Variants in SCN9A observed in about 807,000 individuals in gnomAD.
SCN9A encodes the protein sodium channel protein type 9 subunit alpha.
SCN9A carries 131 observed loss-of-function variants against 187.0 expected under a neutral mutation model. The observed-to-expected ratio is 0.70, with a 90% CI of 0.61 to 0.81. SCN9A has a LOEUF of 0.81. Among genes scored for constraint, SCN9A ranks in the 30% least tolerant of loss-of-function variants. The pLI is 0.00. For synonymous variants in SCN9A, 809 were observed against 808.6 expected (o/e 1.00, Z -0.01); for missense variants, 2,252 against 2,396.6 (o/e 0.94, Z 1.26).
intron 24 of SCN9A, among the ~76,000 whole-genome samples, chr2:166,220,075 G>A (rs150898492): frequency 6.6e-6 from 1 of 152,034 alleles, no homozygotes; most frequent in Non-Finnish European, 1.5e-5. Context: ...CATGTACTAC[G>A]ACCAAGTGGG....
chr2:166,298,830 G>T (rs1048519101), intron 7 of SCN9A: 1 of 152,136 alleles, frequency 6.6e-6, no homozygotes, highest in Non-Finnish European at 1.5e-5. Flanking sequence ...CAAGTGAATG[G>T]TTATATTTTA....
chr2:166,216,402 G>T (rs541956335), intron 24 of SCN9A, among the ~76,000 whole-genome samples: 153 of 152,058 alleles, frequency 1.0e-3, no homozygotes, highest in Non-Finnish European at 1.7e-3. Context: ...GCAGGAAAAA[G>T]AAATAAAATA....
intron 17 of SCN9A, among the ~76,000 whole-genome samples, chr2:166,259,597 C>A (rs1696420452): frequency 6.6e-6 from 1 of 151,642 alleles, no homozygotes; most frequent in African/African-American, 2.4e-5. Context: ...TCCTTAAATG[C>A]AAGCAACATT....
At chr2:166,281,379 T>C (rs903646162) in intron 13 of SCN9A, among the ~76,000 whole-genome samples, 4 of 152,206 alleles carry the variant, frequency 2.6e-5, no homozygotes, top group Non-Finnish European at 5.9e-5. Context: ...TACTATTAAA[T>C]CACTTATCTT....
chr2:166,328,651 A>T (rs1164254466), intron 1 of SCN9A, among the ~76,000 whole-genome samples: 1 of 152,186 alleles, frequency 6.6e-6, no homozygotes, highest in Admixed American at 6.5e-5. Flanking sequence ...AAGATCTTAG[A>T]CAAAAAGAAT....
chr2:166,342,948 A>G (rs535696383), intron 1 of SCN9A, among the ~76,000 whole-genome samples: 22 of 152,296 alleles, frequency 1.4e-4, no homozygotes, highest in African/African-American at 5.3e-4. Flanking sequence ...CCCTACCTTC[A>G]TGCTGCAAAA....
At chr2:166,336,248 C>G (rs567022998) in intron 1 of SCN9A, among the ~76,000 whole-genome samples, 1 of 151,998 alleles carries the variant, frequency 6.6e-6, no homozygotes, top group South Asian at 2.1e-4. Context: ...GGCATTTAAG[C>G]GATTTAATCA....
chr2:166,235,346 A>AT (rs1695268266), intron 20 of SCN9A, among the ~76,000 whole-genome samples: 6 of 152,188 alleles, frequency 3.9e-5, no homozygotes, highest in Admixed American at 3.9e-4. Flanking sequence ...ATAAACACAC[A>AT]CGTATATATA....
At chr2:166,335,862 T>G (rs1699613652) in intron 1 of SCN9A, among the ~76,000 whole-genome samples, 1 of 152,144 alleles carries the variant, frequency 6.6e-6, no homozygotes. Flanking sequence ...TTCTTTTCCT[T>G]TCTTGAATAT....
chr2:166,241,358 C>T (rs954547671), intron 19 of SCN9A, among the ~76,000 whole-genome samples: 23 of 152,232 alleles, frequency 1.5e-4, no homozygotes, highest in Non-Finnish European at 2.8e-4. Context: ...TTTCAACTCT[C>T]ATGGAAGCTG....
intron 1 of SCN9A, among the ~76,000 whole-genome samples, chr2:166,336,793 T>G (rs187428818): frequency 1.5e-3 from 227 of 152,242 alleles, no homozygotes; most frequent in African/African-American, 5.1e-3. Flanking sequence ...GTGATTAAGC[T>G]CTAAGCTTTG....
intron 17 of SCN9A, among the ~76,000 whole-genome samples, chr2:166,262,801 T>A (rs1199828286): frequency 2.6e-5 from 4 of 151,990 alleles, no homozygotes; most frequent in Non-Finnish European, 5.9e-5. Context: ...ATAATGTGTG[T>A]AAAGGGGCTA....
rs200925482 is a variant in SCN9A, at chr2:166,303,193, C to T, written c.798G>A (p.Leu266=). The change falls in exon 7 of 27, where the codon CTG becomes CTA. Residue 266 remains leucine (L), a synonymous_variant. Transcript: ENST00000642356. ...ATTTATGCTTCAGGTTTCCCATGAACAGCTGTAGTCCAATTAGTGCAAACA... is the reference window on the plus strand; with the variant it reads ...ATTTATGCTTCAGGTTTCCCATGAATAGCTGTAGTCCAATTAGTGCAAACA... The part of the protein sequence containing the change: ...LSVFALIGLQ[L]FMGNLKHKCF... 1.7e-5 allele frequency: 28 copies of T among 1,613,638 alleles called. No individual in the cohort carries two copies. Among genetic ancestry groups the T allele is most frequent in the Non-Finnish European group, 2.4e-5 (28 of 1,179,740 alleles).
intron 24 of SCN9A, among the ~76,000 whole-genome samples, chr2:166,224,245 G>A (rs1264732755): frequency 6.6e-6 from 1 of 152,078 alleles, no homozygotes; most frequent in African/African-American, 2.4e-5. Flanking sequence ...TATATATAAT[G>A]CTTAAGTTGA....
chr2:166,342,020 T>C (rs1699798401), intron 1 of SCN9A, among the ~76,000 whole-genome samples: 1 of 152,208 alleles, frequency 6.6e-6, no homozygotes, highest in Non-Finnish European at 1.5e-5. Context: ...TGTTTCTGCA[T>C]GTGTGGCATA....
At position 166,207,446 on chromosome 2, in the gene SCN9A, G is replaced by GTTGTTGTTGT. The variant is rs893775001; in HGVS notation, c.4399-2992_4399-2983dup. ...GAGTGTTTTTGTTGTTGTTGTTGTT[G>GTTGTTGTTGT]TTGTTGTTGTTTTTGATGGAGTCTT... On this transcript the variant is annotated intron_variant, in intron 24 of 26. Coordinates refer to ENST00000642356, the MANE Select transcript of SCN9A (RefSeq NM_001365536.1). Among the ~76,000 whole-genome samples the GTTGTTGTTGT allele has an allele frequency of 2.0e-5, 3 of 151,596 alleles. No homozygotes were observed. In the East Asian group the frequency reaches 5.8e-4, roughly 29 times the overall value.
chr2:166,276,854 T>C, intron 16 of SCN9A, 129 bp downstream of exon 16: 6 of 736,354 alleles, frequency 8.1e-6, no homozygotes, highest in Non-Finnish European at 1.1e-5. Flanking sequence ...TGTATTAAAA[T>C]TATCACTATT....
At chr2:166,374,133 G>A (rs185756419) in intron 1 of SCN9A, among the ~76,000 whole-genome samples, 5 of 152,264 alleles carry the variant, frequency 3.3e-5, no homozygotes, top group African/African-American at 1.2e-4. Context: ...TTGGCAGAGA[G>A]CCAGACCTGA....
chr2:166,239,242 AG>A (rs1695459827), intron 19 of SCN9A, among the ~76,000 whole-genome samples: 2 of 148,054 alleles, frequency 1.4e-5, no homozygotes, highest in Non-Finnish European at 3.0e-5. Flanking sequence ...AAAAAAAAAA[AG>A]GCTCATTGAG....
Sources: allele counts gnomAD v4.1 joint callset (sites outside exome capture counted in the v4.1 genomes callset), GRCh38; gene constraint gnomAD v4.1.1; transcripts MANE v1.5; gene names NCBI Gene and HGNC (gene_info 2026-07-23, HGNC 2026-07-21).